The following PRP4K variants were observed in gnomAD, a reference collection of about 807,000 sequenced individuals.
PRP4K encodes pre-mRNA processing factor kinase PRP4K.
the PRP4K span, chr6:4,032,377 A>C: frequency 6.2e-7 from 1 of 1,614,122 alleles, no homozygotes; most frequent in Admixed American, 1.7e-5. Flanking sequence ...AGAAGTCGCG[A>C]TCGAGGTAAA....
At chr6:4,060,361 G>T in the PRP4K span, 3 of 1,501,262 alleles carry the variant, frequency 2.0e-6, no homozygotes, top group South Asian at 3.6e-5. This position sits in a 1 kb window ranked among gnomAD's most constrained non-coding sequence, Gnocchi z 4.7. Flanking sequence ...GATTTAAGTT[G>T]TATATGCTTA....
the PRP4K span, among the ~76,000 whole-genome samples, chr6:4,036,207 T>C: frequency 6.6e-6 from 1 of 151,984 alleles, no homozygotes; most frequent in Non-Finnish European, 1.5e-5. Context: ...TGTTGAAAAG[T>C]TGGGTTTTTG....
chr6:4,056,543 T>C, the PRP4K span: 1 of 1,602,942 alleles, frequency 6.2e-7, no homozygotes, highest in Non-Finnish European at 8.5e-7. Context: ...CACGAGTTCA[T>C]TCATGAGGAA....
the PRP4K span, chr6:4,032,248 T>C: frequency 6.2e-7 from 1 of 1,613,088 alleles, no homozygotes; most frequent in Non-Finnish European, 8.5e-7. Context: ...TCCCCTACCC[T>C]TAGAAGGCGA....
At chr6:4,058,457 T>A in the PRP4K span, among the ~76,000 whole-genome samples, 1 of 152,218 alleles carries the variant, frequency 6.6e-6, no homozygotes, top group African/African-American at 2.4e-5. Context: ...ACTCTCCAAT[T>A]TTAAATAGTG....
the PRP4K span, among the ~76,000 whole-genome samples, chr6:4,048,738 T>C: frequency 6.6e-6 from 1 of 151,826 alleles, no homozygotes; most frequent in Non-Finnish European, 1.5e-5. Flanking sequence ...TGGCGCTTTT[T>C]TTTTGTTTTT....
the PRP4K span, chr6:4,044,239 C>G: frequency 2.0e-6 from 1 of 508,194 alleles, no homozygotes; most frequent in Non-Finnish European, 3.5e-6. Context: ...GTATACTGAA[C>G]TCTCACATAT....
chr6:4,062,628 C>A, the PRP4K span: 1 of 152,544 alleles, frequency 6.6e-6, no homozygotes, highest in Admixed American at 6.5e-5. This position sits in a 1 kb window ranked among gnomAD's most constrained non-coding sequence, Gnocchi z 4.2. Flanking sequence ...AGCATTGATT[C>A]TTCTGGTGGG....
chr6:4,045,433 T>G, the PRP4K span, among the ~76,000 whole-genome samples: 3 of 152,212 alleles, frequency 2.0e-5, no homozygotes, highest in South Asian at 2.1e-4. Context: ...CAAGGATCCC[T>G]GGTTCCATTT....
the PRP4K span, among the ~76,000 whole-genome samples, chr6:4,046,832 AT>A: frequency 6.6e-6 from 1 of 151,702 alleles, no homozygotes; most frequent in South Asian, 2.1e-4. Flanking sequence ...TAATTTTTGT[AT>A]TTTTAGTAGA....
chr6:4,049,069 C>T, the PRP4K span: 1 of 1,612,744 alleles, frequency 6.2e-7, no homozygotes, highest in Non-Finnish European at 8.5e-7. Flanking sequence ...AGAATCCCAA[C>T]CTCAGAGATA....
the PRP4K span, chr6:4,042,456 T>A: frequency 6.6e-7 from 1 of 1,509,486 alleles, no homozygotes; most frequent in Non-Finnish European, 9.1e-7. Flanking sequence ...GGTTTTAGAA[T>A]CTCTTAAGGG....
At chr6:4,027,196 GC>G in the PRP4K span, among the ~76,000 whole-genome samples, 2 of 152,176 alleles carry the variant, frequency 1.3e-5, no homozygotes, top group Non-Finnish European at 2.9e-5. Flanking sequence ...TGAAATAACA[GC>G]CTTCTCACTG....
At chr6:4,032,128 G>A in the PRP4K span, 10 of 1,613,208 alleles carry the variant, frequency 6.2e-6, no homozygotes, top group East Asian at 8.9e-5. Flanking sequence ...AGTAAGGGGG[G>A]TATTGAAATC....
chr6:4,048,235 C>T, the PRP4K span, among the ~76,000 whole-genome samples: 3 of 152,016 alleles, frequency 2.0e-5, no homozygotes, highest in Admixed American at 6.5e-5. Context: ...AAAAATAAGC[C>T]GGACGTGGTG....
chr6:4,050,587 ATCTG>A, the PRP4K span: 871 of 162,904 alleles, frequency 5.3e-3, 10 homozygotes, highest in African/African-American at 0.02. Context: ...AGTGATGAGA[ATCTG>A]TCTTTTTTTA....
At chr6:4,055,988 A>G in the PRP4K span, among the ~76,000 whole-genome samples, 1 of 152,310 alleles carries the variant, frequency 6.6e-6, no homozygotes, top group Non-Finnish European at 1.5e-5. Flanking sequence ...TCAGGTATTC[A>G]GGGTCTTTTT....
At chr6:4,022,754 CT>C in the PRP4K span, among the ~76,000 whole-genome samples, 1 of 152,190 alleles carries the variant, frequency 6.6e-6, no homozygotes, top group African/African-American at 2.4e-5. Flanking sequence ...TTTAAATTAG[CT>C]TTAACCTCTT....
At chr6:4,038,199 C>A in the PRP4K span, among the ~76,000 whole-genome samples, 1 of 152,202 alleles carries the variant, frequency 6.6e-6, no homozygotes, top group East Asian at 1.9e-4. Flanking sequence ...TTATAGCCAT[C>A]TTTACATATC....
Sources: allele counts gnomAD v4.1 joint callset (sites outside exome capture counted in the v4.1 genomes callset), GRCh38; gene constraint gnomAD v4.1.1; non-coding constraint Gnocchi (gnomAD v3.1); transcripts MANE v1.5; gene names NCBI Gene and HGNC (gene_info 2026-07-23, HGNC 2026-07-21).